The following ANOS1 variants were observed in gnomAD, a reference collection of about 807,000 sequenced individuals.
The protein encoded by ANOS1 is anosmin-1.
Under a neutral mutation model 59.0 loss-of-function variants are expected in ANOS1, and 6 were observed. That is an observed-to-expected ratio of 0.10 (90% confidence interval 0.06 to 0.20). ANOS1 has a LOEUF of 0.20. ANOS1 is among the 10% of genes least tolerant of loss of function. The probability of loss-of-function intolerance (pLI) is 1.00; values close to 1 mark genes in which losing one functional copy is unlikely to be tolerated. For missense variants in ANOS1, 433 were observed against 542.3 expected, an observed-to-expected ratio of 0.80 and a Z score of 2.00; for synonymous variants, 217 against 223.4, an observed-to-expected ratio of 0.97 and a Z score of 0.25.
At chrX:8,714,909 C>T (rs6530200) in intron 1 of ANOS1, among the ~76,000 whole-genome samples, 45,250 of 110,422 alleles carry the variant, frequency 0.41, 6,791 homozygotes, top group East Asian at 0.61. Flanking sequence ...TCTATTATGC[C>T]CTGACTTATA....
At chrX:8,731,778 C>T (rs1301383096) in intron 1 of ANOS1, 52 bp downstream of exon 1, 28 of 1,153,459 alleles carry the variant, frequency 2.4e-5, no homozygotes, top group Non-Finnish European at 3.2e-5. Flanking sequence ...CCCGGTGCGC[C>T]CACGCCGCGG....
At chrX:8,678,385 G>A in intron 2 of ANOS1, among the ~76,000 whole-genome samples, 1 of 112,131 alleles carries the variant, frequency 8.9e-6, no homozygotes, top group South Asian at 3.7e-4. Flanking sequence ...AGATTCCAAT[G>A]TCTTCATTTC....
intron 10 of ANOS1, among the ~76,000 whole-genome samples, chrX:8,538,961 T>C (rs1213527168): frequency 8.9e-6 from 1 of 111,900 alleles, no homozygotes; most frequent in African/African-American, 3.2e-5. Context: ...GGGCCATGTT[T>C]TTGGATTTTT....
chrX:8,687,014 T>C (rs1267608352), intron 2 of ANOS1, among the ~76,000 whole-genome samples: 1 of 111,831 alleles, frequency 8.9e-6, no homozygotes, highest in African/African-American at 3.3e-5. Flanking sequence ...CAAAATGGCA[T>C]GACATAAGAG....
intron 3 of ANOS1, among the ~76,000 whole-genome samples, chrX:8,609,471 T>C (rs992247938): frequency 2.7e-5 from 3 of 111,839 alleles, no homozygotes; most frequent in Non-Finnish European, 3.8e-5. Context: ...GCTAAAACCC[T>C]GCCCCAAAGT....
intron 1 of ANOS1, among the ~76,000 whole-genome samples, chrX:8,727,962 A>G (rs1321333576): frequency 1.8e-5 from 2 of 113,011 alleles, no homozygotes; most frequent in African/African-American, 3.2e-5. Context: ...GAAATTTAAA[A>G]CACCATGACA....
At chrX:8,653,885 T>C (rs1182408218) in intron 2 of ANOS1, among the ~76,000 whole-genome samples, 2 of 112,052 alleles carry the variant, frequency 1.8e-5, no homozygotes, top group African/African-American at 3.3e-5. Flanking sequence ...CAGCATGACA[T>C]GGGGTTGCAG....
At chrX:8,565,665 T>C (rs1036465458) in intron 8 of ANOS1, 1 of 112,296 alleles carries the variant, frequency 8.9e-6, no homozygotes, top group Non-Finnish European at 1.9e-5. Flanking sequence ...TTCTGAAGAA[T>C]TGAATTTCTG....
intron 1 of ANOS1, among the ~76,000 whole-genome samples, chrX:8,704,024 G>A (rs1194812861): frequency 9.1e-6 from 1 of 110,130 alleles, no homozygotes; most frequent in Non-Finnish European, 1.9e-5. Context: ...ATGGGGGCGG[G>A]TTTTTCCCAT....
At chrX:8,699,205 AG>A (rs1411013516) in intron 2 of ANOS1, among the ~76,000 whole-genome samples, 1 of 111,969 alleles carries the variant, frequency 8.9e-6, no homozygotes, top group Non-Finnish European at 1.9e-5. Flanking sequence ...TAAAGTTTAT[AG>A]TACTTTAGTG....
intron 2 of ANOS1, among the ~76,000 whole-genome samples, chrX:8,636,079 A>G (rs1355437610): frequency 1.8e-5 from 2 of 112,003 alleles, no homozygotes; most frequent in Non-Finnish European, 3.8e-5. Context: ...TTAAAAAAAA[A>G]ACTGTGACAA....
At chrX:8,623,018 TGGATGGATGGA>T (rs1931320944) in intron 3 of ANOS1, among the ~76,000 whole-genome samples, 1 of 99,653 alleles carries the variant, frequency 1.0e-5, no homozygotes, top group South Asian at 5.1e-4. Flanking sequence ...GATAGCTGGA[TGGATGGATGGA>T]TGATGGATGG....
chrX:8,700,054 A>G (rs1395169613), intron 1 of ANOS1, among the ~76,000 whole-genome samples: 6 of 112,242 alleles, frequency 5.3e-5, no homozygotes. Context: ...AATGAACACT[A>G]GACGTTCCGC....
intron 9 of ANOS1, among the ~76,000 whole-genome samples, chrX:8,551,846 G>A (rs991333385): frequency 2.7e-5 from 3 of 111,853 alleles, no homozygotes; most frequent in Non-Finnish European, 5.6e-5. Flanking sequence ...GGTGGCACAC[G>A]CCTATAATCC....
At chrX:8,634,082 T>C (rs1321665872) in intron 2 of ANOS1, among the ~76,000 whole-genome samples, 1 of 111,781 alleles carries the variant, frequency 8.9e-6, no homozygotes, top group Non-Finnish European at 1.9e-5. Flanking sequence ...GTTGGTATTA[T>C]ATCAGTGTTA....
At chrX:8,533,143 C>A in intron 13 of ANOS1, 90 bp from the exon 14 acceptor site, 2 of 583,704 alleles carry the variant, frequency 3.4e-6, no homozygotes, top group South Asian at 2.4e-5. Flanking sequence ...AAGCACGAGA[C>A]CCTGGCAAAT....
chrX:8,625,983 G>A (rs1159729668), intron 2 of ANOS1, among the ~76,000 whole-genome samples: 1 of 107,069 alleles, frequency 9.3e-6, no homozygotes. Flanking sequence ...GTGGTGGTGG[G>A]CGCCTGTAGT....
At chrX:8,581,000 T>C (rs1241372843) in intron 6 of ANOS1, among the ~76,000 whole-genome samples, 1 of 111,793 alleles carries the variant, frequency 8.9e-6, no homozygotes, top group Non-Finnish European at 1.9e-5. Flanking sequence ...CAGGGATAAA[T>C]GGGCATTTAT....
intron 7 of ANOS1, among the ~76,000 whole-genome samples, chrX:8,569,686 A>G (rs1386962727): frequency 8.9e-6 from 1 of 112,112 alleles, no homozygotes; most frequent in Non-Finnish European, 1.9e-5. Context: ...GCTAAATATC[A>G]ATGATACCAA....
Sources: allele counts gnomAD v4.1 joint callset (sites outside exome capture counted in the v4.1 genomes callset), GRCh38; gene constraint gnomAD v4.1.1; transcripts MANE v1.5; gene names NCBI Gene and HGNC (gene_info 2026-07-23, HGNC 2026-07-21).